TAF4B: variants seen among roughly 807,000 people sequenced by gnomAD.
The protein encoded by TAF4B is TATA-box binding protein associated factor 4b, also known as transcription initiation factor TFIID subunit 4B.
TAF4B carries 38 observed loss-of-function variants against 86.4 expected under a neutral mutation model. That is an observed-to-expected ratio of 0.44 (90% CI 0.34 to 0.58). The LOEUF (loss-of-function observed/expected upper bound fraction) is 0.58, where lower values mean the gene tolerates loss of function less well. TAF4B is among the 20% of genes least tolerant of loss of function. TAF4B has a pLI of 0.02. For missense variants in TAF4B, 988 were observed against 1,027.6 expected (o/e 0.96, Z 0.53); for synonymous variants, 388 against 391.2 (o/e 0.99, Z 0.10).
chr18:26,361,927 A>T (rs1033702119), intron 14 of TAF4B, among the ~76,000 whole-genome samples: 1 of 152,044 alleles, frequency 6.6e-6, no homozygotes, highest in Non-Finnish European at 1.5e-5. Flanking sequence ...TTCATCATTA[A>T]GTATATTCCT....
At chr18:26,298,566 T>G (rs1366884702) in intron 9 of TAF4B, among the ~76,000 whole-genome samples, 1 of 151,706 alleles carries the variant, frequency 6.6e-6, no homozygotes, top group Non-Finnish European at 1.5e-5. Context: ...AAGGTCTTGC[T>G]CTGTTGCCTA....
intron 14 of TAF4B, among the ~76,000 whole-genome samples, chr18:26,385,634 A>G (rs914776495): frequency 3.3e-5 from 5 of 149,898 alleles, no homozygotes; most frequent in African/African-American, 7.3e-5. Flanking sequence ...AAAACCTTCT[A>G]TTTCCGAAGT....
chr18:26,359,401 A>C (rs2057313646), intron 14 of TAF4B, among the ~76,000 whole-genome samples: 1 of 152,220 alleles, frequency 6.6e-6, no homozygotes, highest in East Asian at 1.9e-4. Flanking sequence ...AAAGGGTATG[A>C]ACATTAGGAA....
chr18:26,249,797 A>G (rs968612224), intron 1 of TAF4B, among the ~76,000 whole-genome samples: 9 of 152,040 alleles, frequency 5.9e-5, no homozygotes, highest in Non-Finnish European at 1.2e-4. Flanking sequence ...ACCTCAGTTC[A>G]TTATAATCTC....
chr18:26,263,911 A>T (rs2056203611), intron 1 of TAF4B, among the ~76,000 whole-genome samples: 1 of 152,060 alleles, frequency 6.6e-6, no homozygotes, highest in South Asian at 2.1e-4. Flanking sequence ...GAGTTTAAAA[A>T]TTTTTGCCTT....
At chr18:26,294,820 A>T (rs1477068565) in intron 9 of TAF4B, among the ~76,000 whole-genome samples, 5 of 150,248 alleles carry the variant, frequency 3.3e-5, no homozygotes, top group Admixed American at 3.3e-4. Context: ...GACGATTAAG[A>T]AAAAGGGCAA....
chr18:26,355,351 TCTAA>T (rs1478648471), intron 13 of TAF4B, among the ~76,000 whole-genome samples: 3 of 152,204 alleles, frequency 2.0e-5, no homozygotes, highest in East Asian at 1.9e-4. Flanking sequence ...CAGGCAAGCC[TCTAA>T]CTCAGTGGCC....
intron 5 of TAF4B, among the ~76,000 whole-genome samples, chr18:26,278,403 C>T (rs2056408112): frequency 6.6e-6 from 1 of 152,082 alleles, no homozygotes; most frequent in South Asian, 2.1e-4. Flanking sequence ...CTTACGGGCT[C>T]AAGGGCTCCT....
chr18:26,316,825 T>G (rs912046027), intron 10 of TAF4B, among the ~76,000 whole-genome samples: 2 of 152,200 alleles, frequency 1.3e-5, no homozygotes, highest in East Asian at 1.9e-4. Context: ...TTCCTTTGCT[T>G]CTTCCATTTT....
intron 14 of TAF4B, among the ~76,000 whole-genome samples, chr18:26,379,947 C>T (rs546143500): frequency 6.6e-6 from 1 of 151,992 alleles, no homozygotes; most frequent in East Asian, 1.9e-4. Flanking sequence ...AAATTATATA[C>T]TTTCCAATTG....
intron 1 of TAF4B, chr18:26,256,267 T>G: frequency 6.7e-7 from 1 of 1,501,236 alleles, no homozygotes; most frequent in Non-Finnish European, 9.3e-7. Context: ...TAGCGTTTAC[T>G]GTCAGTGAAT....
intron 14 of TAF4B, among the ~76,000 whole-genome samples, chr18:26,369,599 G>A (rs1216927660): frequency 6.6e-6 from 1 of 152,232 alleles, no homozygotes; most frequent in African/African-American, 2.4e-5. Context: ...AACAGATGCT[G>A]TTGCAGCTCA....
At chr18:26,331,060 C>T (rs1400194683) in intron 12 of TAF4B, among the ~76,000 whole-genome samples, 2 of 152,192 alleles carry the variant, frequency 1.3e-5, no homozygotes, top group African/African-American at 4.8e-5. Context: ...TGGAGCACCA[C>T]AGCCTTGTCA....
intron 13 of TAF4B, among the ~76,000 whole-genome samples, chr18:26,345,286 C>G (rs1458980615): frequency 6.6e-6 from 1 of 152,220 alleles, no homozygotes. Flanking sequence ...CCAAGCCATC[C>G]TCACCAGACA....
chr18:26,384,164 G>A (rs151311897), intron 14 of TAF4B, among the ~76,000 whole-genome samples: 1 of 152,278 alleles, frequency 6.6e-6, no homozygotes, highest in East Asian at 1.9e-4. Context: ...CTGCCATGGT[G>A]GCATGAGGTT....
chr18:26,232,493 TA>T (rs2055687600), intron 1 of TAF4B, among the ~76,000 whole-genome samples: 1 of 152,092 alleles, frequency 6.6e-6, no homozygotes, highest in African/African-American at 2.4e-5. Flanking sequence ...ACAAGGAGAT[TA>T]AAAACACAGG....
At chr18:26,310,493 C>T (rs1356493886) in intron 9 of TAF4B, among the ~76,000 whole-genome samples, 2 of 152,040 alleles carry the variant, frequency 1.3e-5, no homozygotes, top group Non-Finnish European at 2.9e-5. Context: ...AAGGAATAAG[C>T]AGGATATTGT....
intron 14 of TAF4B, among the ~76,000 whole-genome samples, chr18:26,366,611 T>C (rs1035641534): frequency 6.6e-6 from 1 of 152,332 alleles, no homozygotes; most frequent in Non-Finnish European, 1.5e-5. Context: ...AATGTTTAAC[T>C]ATGTTCACAT....
At chr18:26,346,829 A>ATATGTG (rs2057193958) in intron 13 of TAF4B, among the ~76,000 whole-genome samples, 2 of 25,466 alleles carry the variant, frequency 7.9e-5, no homozygotes, top group Non-Finnish European at 2.1e-4. Context: ...GTGTGTATAT[A>ATATGTG]TATATATGTG....
Sources: gnomAD v4.1 joint callset for allele counts (sites outside exome capture counted in the v4.1 genomes callset) on GRCh38, gnomAD v4.1.1 for gene constraint, MANE v1.5 for transcripts, NCBI Gene and HGNC (gene_info 2026-07-23, HGNC 2026-07-21) for gene names.